UBE4B: variants seen among roughly 807,000 people sequenced by gnomAD.
UBE4B encodes the protein ubiquitin conjugation factor E4 B.
A neutral mutation model predicts 148.1 loss-of-function variants in UBE4B; 27 were observed. The observed-to-expected ratio is 0.18, with a 90% CI of 0.13 to 0.25. The LOEUF is 0.25. Ranked by LOEUF, UBE4B falls within the 10% of genes least tolerant of loss-of-function variation. The pLI is 1.00. For missense variants in UBE4B, 1,170 were observed against 1,662.4 expected (o/e 0.70, Z 5.15); for synonymous variants, 596 against 619.3 (o/e 0.96, Z 0.56).
At chr1:10,131,100 A>T (rs1015541709) in intron 14 of UBE4B, among the ~76,000 whole-genome samples, 1 of 152,214 alleles carries the variant, frequency 6.6e-6, no homozygotes, top group African/African-American at 2.4e-5. Flanking sequence ...TGTGAGGGTG[A>T]GCAAGGATTG....
At chr1:10,158,915 C>T (rs1646116262) in intron 22 of UBE4B, among the ~76,000 whole-genome samples, 2 of 150,400 alleles carry the variant, frequency 1.3e-5, no homozygotes, top group African/African-American at 2.5e-5. Context: ...GAAGCTGAGG[C>T]AGGAGAATCA....
chr1:10,123,054 A>C (rs115486679), intron 10 of UBE4B, among the ~76,000 whole-genome samples: 1 of 152,204 alleles, frequency 6.6e-6, no homozygotes, highest in Non-Finnish European at 1.5e-5. Flanking sequence ...ATCTTAGGTG[A>C]TGATCTTACT....
At chr1:10,048,893 T>G (rs72859583) in intron 1 of UBE4B, among the ~76,000 whole-genome samples, 2,017 of 152,240 alleles carry the variant, frequency 0.013, 37 homozygotes, top group African/African-American at 0.036. Flanking sequence ...TGAGCTTATC[T>G]TTTTCTGTTT....
chr1:10,125,080 C>A (rs752886293), intron 10 of UBE4B, among the ~76,000 whole-genome samples: 25 of 152,094 alleles, frequency 1.6e-4, no homozygotes, highest in Admixed American at 1.4e-3. Flanking sequence ...TAGCTGAGAT[C>A]GCGCCACTGC....
At chr1:10,102,874 T>G (rs1440138859) in intron 4 of UBE4B, 74 bp from the exon 5 acceptor site, 32 of 1,433,678 alleles carry the variant, frequency 2.2e-5, no homozygotes, top group Non-Finnish European at 2.9e-5. Flanking sequence ...TAAATCAGAA[T>G]AACGTATTCC....
intron 2 of UBE4B, chr1:10,072,433 A>AT (rs1332060650): frequency 1.5e-6 from 1 of 652,364 alleles, no homozygotes; most frequent in South Asian, 1.8e-5. Flanking sequence ...CATAACTTCC[A>AT]TCTTTTTTTT....
At chr1:10,131,277 G>C (rs945823883) in intron 14 of UBE4B, among the ~76,000 whole-genome samples, 4 of 151,592 alleles carry the variant, frequency 2.6e-5, no homozygotes, top group Non-Finnish European at 5.9e-5. Flanking sequence ...AGGAGTTTGA[G>C]AACAGCCTGG....
chr1:10,177,655 C>T (rs995101983), intron 25 of UBE4B, among the ~76,000 whole-genome samples: 8 of 150,886 alleles, frequency 5.3e-5, no homozygotes, highest in Non-Finnish European at 1.2e-4. Flanking sequence ...GACTCTGTCT[C>T]AAAATATATA....
At chr1:10,055,926 C>T (rs1644159569) in intron 1 of UBE4B, among the ~76,000 whole-genome samples, 3 of 150,756 alleles carry the variant, frequency 2.0e-5, no homozygotes, top group Admixed American at 1.3e-4. Context: ...CTCAAAAAAA[C>T]AAAACAAAAC....
At chr1:10,035,079 A>G (rs1272739540) in intron 1 of UBE4B, among the ~76,000 whole-genome samples, 1 of 151,822 alleles carries the variant, frequency 6.6e-6, no homozygotes, top group Non-Finnish European at 1.5e-5. Flanking sequence ...TCTCACTGCA[A>G]GCTCCGCCTC....
At chr1:10,144,807 T>C in intron 17 of UBE4B, 133 bp from the exon 18 acceptor site, 1 of 578,512 alleles carries the variant, frequency 1.7e-6, no homozygotes, top group Non-Finnish European at 3.1e-6. Context: ...GGTTGTAAGA[T>C]ATACTCTGAT....
intron 11 of UBE4B, among the ~76,000 whole-genome samples, chr1:10,127,682 T>C (rs1283710745): frequency 6.6e-6 from 1 of 152,244 alleles, no homozygotes; most frequent in African/African-American, 2.4e-5. Context: ...TTTCTTTTAC[T>C]TATTCCACTG....
At chr1:10,090,793 T>TTGTGTGTGTGTGTGTG (rs57486350) in intron 2 of UBE4B, among the ~76,000 whole-genome samples, 10 of 141,404 alleles carry the variant, frequency 7.1e-5, no homozygotes, top group South Asian at 2.4e-4. Context: ...GCCTATGCAT[T>TTGTGTGTGTGTGTGTG]TGTGTGTGTG....
rs544814308 is a variant in UBE4B, at chr1:10,104,152, A to G, written c.580+1060A>G. The stretch of plus-strand genomic sequence containing the variant: ...TGAGCTATACCTGCTTTAAGTGCCT[A>G]TGAAGCCATGTATAGACGGTGGAAT... On this transcript the variant is annotated intron_variant, in intron 5 of 27. Transcript: ENST00000343090. Among the ~76,000 whole-genome samples the G allele has an allele frequency of 5.3e-5, 8 of 152,314 alleles. No individual in the cohort carries two copies. The East Asian group carries it at 1.2e-3, about 22-fold the overall frequency.
At chr1:10,036,082 C>CT (rs112866835) in intron 1 of UBE4B, among the ~76,000 whole-genome samples, 5,126 of 136,424 alleles carry the variant, frequency 0.038, 127 homozygotes, top group African/African-American at 0.065. Flanking sequence ...CTATAAATTA[C>CT]TTTTTTTTTT....
At chr1:10,076,372 G>A (rs946819877) in intron 2 of UBE4B, among the ~76,000 whole-genome samples, 20 of 151,520 alleles carry the variant, frequency 1.3e-4, no homozygotes, top group Non-Finnish European at 2.8e-4. Context: ...AGCCTCCTAA[G>A]TAGCTGGATT....
intron 17 of UBE4B, among the ~76,000 whole-genome samples, chr1:10,141,455 GA>G (rs758787134): frequency 6.6e-6 from 1 of 152,156 alleles, no homozygotes; most frequent in Non-Finnish European, 1.5e-5. Flanking sequence ...TTCTCCCCTA[GA>G]GCCTCCAGAA....
At position 10,037,284 on chromosome 1, in the gene UBE4B, C is replaced by T. The variant is rs190304285; in HGVS notation, c.24+3590C>T. Among the ~76,000 whole-genome samples the T allele has an allele frequency of 7.2e-4, 110 of 152,282 alleles. 1 individual carries two copies. The East Asian group carries it at 0.018, about 25-fold the overall frequency. Reference sequence around the variant, plus strand: ...TCAGGTGATCTGCCTGCCTCGGCCTCCCAAAGTGCTGGGATTACAGGCATG... The same window carrying T: ...TCAGGTGATCTGCCTGCCTCGGCCTTCCAAAGTGCTGGGATTACAGGCATG... On this transcript the variant is annotated intron_variant, in intron 1 of 27. Transcript: ENST00000343090.
intron 19 of UBE4B, among the ~76,000 whole-genome samples, chr1:10,147,407 C>T (rs1346462120): frequency 6.6e-6 from 1 of 151,992 alleles, no homozygotes; most frequent in African/African-American, 2.4e-5. Flanking sequence ...GCATGAGAAT[C>T]GTTTGAACCC....
Sources: gnomAD v4.1 joint callset for allele counts (sites outside exome capture counted in the v4.1 genomes callset) on GRCh38, gnomAD v4.1.1 for gene constraint, MANE v1.5 for transcripts, NCBI Gene and HGNC (gene_info 2026-07-23, HGNC 2026-07-21) for gene names.